Variants in RABGAP1L observed in about 807,000 individuals in gnomAD.
RABGAP1L encodes the protein rab GTPase-activating protein 1-like.
RABGAP1L carries 63 observed loss-of-function variants against 137.7 expected under a neutral mutation model. The observed-to-expected ratio is 0.46, with a 90% CI of 0.37 to 0.56. The LOEUF is 0.56. Ranked by LOEUF, RABGAP1L falls within the 20% of genes least tolerant of loss-of-function variation. RABGAP1L has a pLI of 0.00. For synonymous variants in RABGAP1L, 431 were observed against 433.7 expected (o/e 0.99, Z 0.08); for missense variants, 1,095 against 1,244.0 (o/e 0.88, Z 1.80).
chr1:174,793,103 G>A (rs1226022953), intron 18 of RABGAP1L, among the ~76,000 whole-genome samples: 1 of 151,974 alleles, frequency 6.6e-6, no homozygotes, highest in Non-Finnish European at 1.5e-5. Flanking sequence ...CTGCACTCCA[G>A]CCTGGTTAAC....
At chr1:174,194,246 T>C (rs912364975) in intron 1 of RABGAP1L, among the ~76,000 whole-genome samples, 3 of 150,818 alleles carry the variant, frequency 2.0e-5, no homozygotes. Flanking sequence ...TTTTTTTTTT[T>C]TTTTTGGAGA....
At chr1:174,814,329 G>GT (rs1285903476) in intron 19 of RABGAP1L, among the ~76,000 whole-genome samples, 6 of 152,072 alleles carry the variant, frequency 3.9e-5, no homozygotes, top group South Asian at 2.1e-4. Context: ...AGTTTTAATA[G>GT]TTTTTTGTGG....
At chr1:174,853,367 G>T (rs1456741636) in intron 19 of RABGAP1L, among the ~76,000 whole-genome samples, 1 of 151,922 alleles carries the variant, frequency 6.6e-6, no homozygotes, top group Non-Finnish European at 1.5e-5. Context: ...CTGGGCTTAG[G>T]TTTCAGAGTT....
intron 13 of RABGAP1L, among the ~76,000 whole-genome samples, chr1:174,627,412 C>G (rs543371978): frequency 1.3e-5 from 2 of 152,290 alleles, no homozygotes; most frequent in East Asian, 1.9e-4. Flanking sequence ...AGTGATGATT[C>G]TCTTTGAAAA....
At chr1:174,553,686 T>G (rs1030283734) in intron 13 of RABGAP1L, among the ~76,000 whole-genome samples, 1 of 152,198 alleles carries the variant, frequency 6.6e-6, no homozygotes, top group African/African-American at 2.4e-5. Context: ...AGAATCATAA[T>G]GCAGAAATCC....
intron 12 of RABGAP1L, among the ~76,000 whole-genome samples, chr1:174,383,531 C>T (rs987503188): frequency 3.9e-5 from 6 of 152,106 alleles, no homozygotes; most frequent in African/African-American, 9.7e-5. Flanking sequence ...GGGCAATATT[C>T]GGGTGGGAGT....
At chr1:174,175,466 G>A (rs1283677627) in intron 1 of RABGAP1L, among the ~76,000 whole-genome samples, 1 of 150,726 alleles carries the variant, frequency 6.6e-6, no homozygotes, top group African/African-American at 2.4e-5. Flanking sequence ...GCCTGTTTCT[G>A]CATTAGACTA....
intron 1 of RABGAP1L, among the ~76,000 whole-genome samples, chr1:174,195,354 A>G (rs995134571): frequency 3.3e-5 from 5 of 152,040 alleles, no homozygotes; most frequent in African/African-American, 1.2e-4. Context: ...AAATGTTTTT[A>G]TTAGGCTGTA....
intron 13 of RABGAP1L, among the ~76,000 whole-genome samples, chr1:174,549,942 G>A (rs1444180575): frequency 1.3e-5 from 2 of 152,148 alleles, no homozygotes; most frequent in African/African-American, 2.4e-5. Flanking sequence ...TGAGGTGGGA[G>A]CATTGCTTGA....
intron 11 of RABGAP1L, among the ~76,000 whole-genome samples, chr1:174,322,210 A>AT (rs1236493219): frequency 2.6e-5 from 4 of 151,948 alleles, no homozygotes; most frequent in Non-Finnish European, 5.9e-5. Flanking sequence ...TATAGTTTAG[A>AT]TTTTACATAT....
At chr1:174,397,253 T>G (rs1306059054) in intron 13 of RABGAP1L, among the ~76,000 whole-genome samples, 1 of 152,194 alleles carries the variant, frequency 6.6e-6, no homozygotes, top group Non-Finnish European at 1.5e-5. Flanking sequence ...CCTCTGGAGT[T>G]CTAGCTGTGA....
chr1:174,193,090 A>G (rs1471397305), intron 1 of RABGAP1L, among the ~76,000 whole-genome samples: 1 of 152,248 alleles, frequency 6.6e-6, no homozygotes, highest in East Asian at 1.9e-4. Flanking sequence ...TCTGGTTTAT[A>G]GTAGTAGTTT....
chr1:174,339,123 A>G (rs966764760), intron 11 of RABGAP1L, among the ~76,000 whole-genome samples: 2 of 152,200 alleles, frequency 1.3e-5, no homozygotes, highest in African/African-American at 4.8e-5. Flanking sequence ...TTCAAAATAA[A>G]CAGTTCTTAT....
chr1:174,180,180 T>C (rs536819957), intron 1 of RABGAP1L, among the ~76,000 whole-genome samples: 1 of 152,254 alleles, frequency 6.6e-6, no homozygotes, highest in South Asian at 2.1e-4. Flanking sequence ...CAAAATAGTT[T>C]AGTGAAAACA....
chr1:174,248,309 G>A (rs533032711), intron 5 of RABGAP1L, among the ~76,000 whole-genome samples: 99 of 152,228 alleles, frequency 6.5e-4, no homozygotes, highest in Middle Eastern at 3.4e-3. Context: ...CTAATACTTG[G>A]TATGCAGAAG....
intron 11 of RABGAP1L, among the ~76,000 whole-genome samples, chr1:174,357,304 G>A (rs1683723135): frequency 6.6e-6 from 1 of 152,036 alleles, no homozygotes; most frequent in African/African-American, 2.4e-5. Context: ...CCCCAAATCT[G>A]GGCACTTTCA....
intron 11 of RABGAP1L, among the ~76,000 whole-genome samples, chr1:174,326,484 T>C (rs1309840297): frequency 6.6e-6 from 1 of 152,036 alleles, no homozygotes; most frequent in African/African-American, 2.4e-5. Flanking sequence ...GAAGACAGGC[T>C]CTTCAAAACT....
intron 13 of RABGAP1L, among the ~76,000 whole-genome samples, chr1:174,607,736 A>T (rs2148195392): frequency 6.6e-6 from 1 of 152,342 alleles, no homozygotes; most frequent in South Asian, 2.1e-4. Context: ...TGTTATTTCC[A>T]GTGGCTATTT....
chr1:174,831,926 T>C lies in RABGAP1L; in HGVS notation c.2340+19966T>C, dbSNP rs557275618. ...GATCATGTAATACATTCTCAGTATT[T>C]GGAGAACAATGCGGTGGAAACAAGA... On this transcript the variant is annotated intron_variant, in intron 19 of 25. Coordinates refer to ENST00000681986, the MANE Select transcript of RABGAP1L (RefSeq NM_001366446.1). Among the ~76,000 whole-genome samples, 11 of 147,900 alleles carry C rather than the reference T, an allele frequency of 7.4e-5. 1 individual carries two copies. The highest frequency in any genetic ancestry group is 2.7e-4 in the African/African-American group (11 of 40,580).
Sources: gnomAD v4.1 joint callset for allele counts (sites outside exome capture counted in the v4.1 genomes callset) on GRCh38, gnomAD v4.1.1 for gene constraint, MANE v1.5 for transcripts, NCBI Gene and HGNC (gene_info 2026-07-23, HGNC 2026-07-21) for gene names.